Variants in VWA3B observed in about 807,000 individuals in gnomAD.
VWA3B encodes the protein von Willebrand factor A domain-containing protein 3B.
A neutral mutation model predicts 158.3 loss-of-function variants in VWA3B; 138 were observed. The ratio of observed to expected loss-of-function variants is 0.87; its 90% CI spans 0.76 to 1.00. The LOEUF is 1.00. Ranked by LOEUF, VWA3B falls within the 50% of genes least tolerant of loss-of-function variation. The pLI, the probability that VWA3B is intolerant of heterozygous loss-of-function variation, is 0.00. For missense variants in VWA3B, 1,555 were observed against 1,565.1 expected, an observed-to-expected ratio of 0.99 and a Z score of 0.11; for synonymous variants, 596 against 587.3, an observed-to-expected ratio of 1.01 and a Z score of -0.21.
At chr2:98,216,753 A>G (rs1420295019) in intron 13 of VWA3B, 2 of 477,476 alleles carry the variant, frequency 4.2e-6, no homozygotes, top group African/African-American at 2.0e-5. Context: ...AATGCCTTCC[A>G]GGGAACATCA....
chr2:98,276,678 G>A (rs1485714307), intron 22 of VWA3B, among the ~76,000 whole-genome samples: 1 of 150,996 alleles, frequency 6.6e-6, no homozygotes, highest in East Asian at 1.9e-4. Context: ...CTGCCCATGT[G>A]TGTCCAGAGG....
intron 7 of VWA3B, among the ~76,000 whole-genome samples, chr2:98,143,182 T>C (rs746870802): frequency 2.6e-5 from 4 of 152,066 alleles, no homozygotes; most frequent in Admixed American, 6.6e-5. Flanking sequence ...TGGGATTACA[T>C]GCGCCTGCCA....
chr2:98,147,826 A>G (rs1677290762), intron 7 of VWA3B, among the ~76,000 whole-genome samples: 1 of 151,492 alleles, frequency 6.6e-6, no homozygotes, highest in African/African-American at 2.4e-5. Context: ...CATTAGGTAT[A>G]TCTCCTAATG....
chr2:98,176,947 CT>C (rs771357504), intron 8 of VWA3B, among the ~76,000 whole-genome samples: 4 of 152,290 alleles, frequency 2.6e-5, no homozygotes, highest in African/African-American at 9.6e-5. Flanking sequence ...GACAGCCCCC[CT>C]GAAAGGCATG....
chr2:98,310,121 T>G (rs905296260), intron 26 of VWA3B, among the ~76,000 whole-genome samples: 2 of 152,228 alleles, frequency 1.3e-5, no homozygotes, highest in Non-Finnish European at 2.9e-5. Flanking sequence ...GCTGAAAGTC[T>G]AAGACCCCCC....
rs191621044 is a variant in VWA3B at position 98,212,506 on chromosome 2, T to C, written c.1836+478T>C. 5.9e-5 allele frequency among the ~76,000 whole-genome samples: 9 copies of C among 152,308 alleles called. No individual in the cohort carries two copies. In the East Asian group the frequency reaches 1.5e-3, roughly 26 times the overall value. ...TTTGTTTAGCCCGACTGGAAAATATTTGAAAAGCTGTAGAGGAGTCTGTTC... is the reference window on the plus strand; with the variant it reads ...TTTGTTTAGCCCGACTGGAAAATATCTGAAAAGCTGTAGAGGAGTCTGTTC... On this transcript the variant is annotated intron_variant, in intron 13 of 27. Coordinates refer to ENST00000477737, the MANE Select transcript of VWA3B (RefSeq NM_144992.5).
chr2:98,210,145 T>A (rs1230199699), intron 12 of VWA3B, among the ~76,000 whole-genome samples: 1 of 152,166 alleles, frequency 6.6e-6, no homozygotes, highest in Non-Finnish European at 1.5e-5. Flanking sequence ...ATTACTCCCA[T>A]CGTTTTCCTG....
intron 14 of VWA3B, among the ~76,000 whole-genome samples, chr2:98,222,163 G>C (rs751314918): frequency 3.9e-5 from 6 of 152,168 alleles, no homozygotes; most frequent in Non-Finnish European, 8.8e-5. Context: ...GAAGGAGGTA[G>C]TGCTAGGTGG....
intron 7 of VWA3B, among the ~76,000 whole-genome samples, chr2:98,150,669 TCC>T (rs1359878829): frequency 6.6e-6 from 1 of 152,208 alleles, no homozygotes; most frequent in Non-Finnish European, 1.5e-5. Context: ...ACTCTTCTAT[TCC>T]CATCACCCTC....
At chr2:98,211,826 C>T in intron 12 of VWA3B, 104 bp from the exon 13 acceptor site, 1 of 907,438 alleles carries the variant, frequency 1.1e-6, no homozygotes, top group South Asian at 1.6e-5. Flanking sequence ...TATCTTTCAT[C>T]TCATAGGTAC....
chr2:98,194,182 G>A lies in VWA3B; in HGVS notation c.1606-179G>A, dbSNP rs567642227. Among the ~76,000 whole-genome samples the A allele has an allele frequency of 2.2e-4, 33 of 151,792 alleles. No individual in the cohort carries two copies. The South Asian group carries it at 6.5e-3, about 30-fold the overall frequency. On this transcript the variant is annotated intron_variant, in intron 11 of 27. Coordinates refer to ENST00000477737, the MANE Select transcript of VWA3B (RefSeq NM_144992.5). ...TGTAAAGGTCTTAACACACAAACTG[G>A]ATAAATTTTATTTAAATATCCTTTA...
chr2:98,106,118 T>C (rs1673629938), intron 2 of VWA3B, among the ~76,000 whole-genome samples: 1 of 152,102 alleles, frequency 6.6e-6, no homozygotes, highest in South Asian at 2.1e-4. Flanking sequence ...TGTTTCATCG[T>C]GTTAGCCAGT....
At chr2:98,124,076 T>G (rs1012877516) in intron 5 of VWA3B, among the ~76,000 whole-genome samples, 4 of 152,242 alleles carry the variant, frequency 2.6e-5, no homozygotes, top group Non-Finnish European at 5.9e-5. Flanking sequence ...ATAAAGAACC[T>G]TCACTGCTGG....
intron 7 of VWA3B, among the ~76,000 whole-genome samples, chr2:98,159,988 C>A (rs554637946): frequency 8.2e-5 from 12 of 146,708 alleles, no homozygotes; most frequent in Middle Eastern, 3.5e-3. Context: ...CCAGCCTGGG[C>A]GACAGAGCAA....
chr2:98,261,164 T>C (rs1315548300), intron 21 of VWA3B, among the ~76,000 whole-genome samples: 1 of 151,794 alleles, frequency 6.6e-6, no homozygotes, highest in East Asian at 1.9e-4. Context: ...TGATCGCTCT[T>C]TATTTCCTTT....
intron 19 of VWA3B, among the ~76,000 whole-genome samples, chr2:98,238,286 G>C (rs1685836069): frequency 1.3e-5 from 2 of 152,116 alleles, no homozygotes; most frequent in Non-Finnish European, 2.9e-5. Context: ...GTCCCTGGCT[G>C]TTTCCTTGTG....
intron 20 of VWA3B, among the ~76,000 whole-genome samples, chr2:98,255,378 A>G (rs1017150221): frequency 2.0e-5 from 3 of 151,604 alleles, no homozygotes; most frequent in Admixed American, 6.6e-5. Context: ...CCCTGGAGCC[A>G]GTGTTCTCTG....
intron 11 of VWA3B, 77 bp from the exon 12 acceptor site, chr2:98,194,284 A>T (rs1681844015): frequency 2.1e-6 from 3 of 1,461,158 alleles, no homozygotes; most frequent in Admixed American, 3.7e-5. Flanking sequence ...TGATTAAAAT[A>T]TATCAAACTG....
At position 98,231,515 on chromosome 2, in the gene VWA3B, C is replaced by T. The variant is rs916307308; in HGVS notation, c.2308+1308C>T. Among the ~76,000 whole-genome samples the T allele has an allele frequency of 1.1e-4, 16 of 152,122 alleles. 3 individuals carry two copies. Among genetic ancestry groups the T allele is most frequent in the Admixed American group, 1.0e-3 (16 of 15,264 alleles). ...TTAACTCAATGGAGGGAGTATAGCC[C>T]TTTCAACAAAGATGCTGAAGCAATA... is the stretch of plus-strand genomic sequence containing the variant. On this transcript the variant is annotated intron_variant, in intron 16 of 27. Coordinates refer to ENST00000477737, the MANE Select transcript of VWA3B (RefSeq NM_144992.5).
Sources: allele counts gnomAD v4.1 joint callset (sites outside exome capture counted in the v4.1 genomes callset), GRCh38; gene constraint gnomAD v4.1.1; transcripts MANE v1.5; gene names NCBI Gene and HGNC (gene_info 2026-07-23, HGNC 2026-07-21).